The following IREB2 variants were observed in gnomAD, a reference collection of about 807,000 sequenced individuals.
IREB2 encodes iron-responsive element-binding protein 2.
IREB2 carries 39 observed loss-of-function variants against 118.8 expected under a neutral mutation model. The ratio of observed to expected loss-of-function variants is 0.33; its 90% CI spans 0.25 to 0.43. IREB2 has a LOEUF of 0.43. IREB2 is among the 20% of genes least tolerant of loss of function. The pLI is 1.00. For missense variants in IREB2, 900 were observed against 1,147.3 expected (o/e 0.78, Z 3.11); for synonymous variants, 372 against 392.2 (o/e 0.95, Z 0.61).
At chr15:78,465,434 C>G in intron 4 of IREB2, 46 bp downstream of exon 4, 1 of 1,536,192 alleles carries the variant, frequency 6.5e-7, no homozygotes, top group Non-Finnish European at 8.9e-7. Flanking sequence ...AGTTAATTGG[C>G]TGGAAATGTG....
intron 5 of IREB2, among the ~76,000 whole-genome samples, chr15:78,469,645 C>T (rs2051342043): frequency 6.6e-6 from 1 of 152,026 alleles, no homozygotes; most frequent in Non-Finnish European, 1.5e-5. Context: ...ATCGCTTGAA[C>T]CCGGTAGGGC....
intron 2 of IREB2, among the ~76,000 whole-genome samples, chr15:78,452,496 G>A (rs1357109772): frequency 6.6e-6 from 1 of 152,128 alleles, no homozygotes; most frequent in Non-Finnish European, 1.5e-5. Context: ...GGAGGAAGCA[G>A]TATAGAGTAA....
chr15:78,463,513 T>G (rs1445642756), intron 3 of IREB2, among the ~76,000 whole-genome samples: 1 of 152,158 alleles, frequency 6.6e-6, no homozygotes, highest in Non-Finnish European at 1.5e-5. Flanking sequence ...TTGTTTTGTT[T>G]TTGTTTGTTT....
At position 78,438,297 on chromosome 15, in the gene IREB2, C is replaced by G. The variant is rs1567158079; in HGVS notation, c.-41C>G. 3 of 1,560,792 alleles carry G rather than the reference C, an allele frequency of 1.9e-6. No homozygotes were observed. The highest frequency in any genetic ancestry group is 1.9e-5 in the Admixed American group (1 of 52,666). On this transcript the variant is annotated 5_prime_UTR_variant, in exon 1 of 22. Transcript: ENST00000258886. ...CCTGCCCGGCCTCCCCCTTCTTCCC[C>G]CGCTGGCCCCCTCCCCGGAGGGATA...
intron 16 of IREB2, 44 bp downstream of exon 16, chr15:78,488,815 GTGTTC>G: frequency 8.4e-7 from 1 of 1,194,014 alleles, no homozygotes. Context: ...TCAATTTGCA[GTGTTC>G]TTTTATTTCA....
In IREB2 at chr15:78,490,736, G is replaced by A. The variant is rs1450881850; in HGVS notation, c.2299G>A (p.Ala767Thr). 3 of 1,613,974 alleles carry A rather than the reference G, an allele frequency of 1.9e-6. No homozygotes were observed. Among genetic ancestry groups the A allele is most frequent in the East Asian group, 2.2e-5 (1 of 44,886 alleles). The change falls in exon 18 of 22, where the codon GCC (alanine) becomes ACC (threonine). Residue 767 changes from alanine to threonine, a missense_variant. Transcript: ENST00000258886. ...AGGAAGTATCGCTAGGAATAGTGCT[G>A]CCGCTAAGTATTTGACAAACAGAGG... is the stretch of plus-strand genomic sequence containing the variant. The part of the protein sequence containing the change: ...PAGSIARNSA[A>T]AKYLTNRGLT...
intron 11 of IREB2, among the ~76,000 whole-genome samples, chr15:78,484,357 T>C (rs2051623699): frequency 6.6e-6 from 1 of 152,192 alleles, no homozygotes; most frequent in Non-Finnish European, 1.5e-5. Flanking sequence ...ATAGCCAATC[T>C]TGTTTCAGCT....
intron 18 of IREB2, among the ~76,000 whole-genome samples, chr15:78,492,534 C>A (rs2051768546): frequency 6.6e-6 from 1 of 152,006 alleles, no homozygotes; most frequent in Non-Finnish European, 1.5e-5. Flanking sequence ...TCAGCATAAC[C>A]AAATCATTGA....
chr15:78,464,684 A>G (rs2051251826), intron 3 of IREB2, among the ~76,000 whole-genome samples: 1 of 152,180 alleles, frequency 6.6e-6, no homozygotes, highest in African/African-American at 2.4e-5. Flanking sequence ...CCTGGGCTCA[A>G]GCTGTTATTG....
At chr15:78,448,854 C>T (rs1370270242) in intron 2 of IREB2, among the ~76,000 whole-genome samples, 2 of 152,176 alleles carry the variant, frequency 1.3e-5, no homozygotes, top group East Asian at 3.9e-4. Flanking sequence ...TTCCCCCTTC[C>T]TTCAGGCTGA....
At chr15:78,492,348 G>A (rs539319540) in intron 18 of IREB2, among the ~76,000 whole-genome samples, 11 of 87,674 alleles carry the variant, frequency 1.3e-4, no homozygotes, top group South Asian at 4.3e-4. Context: ...ACTGGAAAAT[G>A]TACACAATTT....
At chr15:78,473,610 A>G (rs1329370878) in intron 8 of IREB2, 4 of 465,306 alleles carry the variant, frequency 8.6e-6, no homozygotes, top group Non-Finnish European at 1.5e-5. Flanking sequence ...TTTAGTCCTT[A>G]TAACAAGCCT....
intron 9 of IREB2, 25 bp downstream of exon 9, chr15:78,476,384 A>G (rs1596004567): frequency 6.8e-7 from 1 of 1,460,170 alleles, no homozygotes; most frequent in East Asian, 2.3e-5. Context: ...GATCACTAGA[A>G]TAAACATGTT....
intron 2 of IREB2, among the ~76,000 whole-genome samples, chr15:78,461,879 G>C (rs2051203094): frequency 6.6e-6 from 1 of 152,024 alleles, no homozygotes; most frequent in African/African-American, 2.4e-5. Flanking sequence ...ACTGAATATA[G>C]TTTTCTTTCT....
chr15:78,463,252 A>G (rs1282179427), intron 3 of IREB2, among the ~76,000 whole-genome samples, 165 bp downstream of exon 3: 1 of 152,170 alleles, frequency 6.6e-6, no homozygotes, highest in African/African-American at 2.4e-5. Context: ...CAGTCTGGGC[A>G]ACATAGTGAG....
At chr15:78,493,408 G>T (rs917777365) in intron 18 of IREB2, among the ~76,000 whole-genome samples, 1 of 151,948 alleles carries the variant, frequency 6.6e-6, no homozygotes, top group African/African-American at 2.4e-5. Context: ...GTCAGTGTTT[G>T]GTTGAAAAAA....
In IREB2 at chr15:78,483,344, A is replaced by G; in HGVS notation, c.1323A>G (p.Ile441Met). 2 of 1,582,218 alleles carry G rather than the reference A, an allele frequency of 1.3e-6. No homozygotes were observed. The highest frequency in any genetic ancestry group is 1.7e-6 in the Non-Finnish European group (2 of 1,151,056). ...TGATCCAGATTAATCTGAATTCAAT[A>G]GTTCCATCTGTTAGTGGTCCAAAAA... ...SQVIQINLNS[I>M]VPSVSGPKRP... The change falls in exon 11 of 22, where the codon ATA becomes ATG. Residue 441 changes from isoleucine (I) to methionine (M), a missense_variant. Ile to Met is a conservative substitution (Grantham distance 10). Transcript: ENST00000258886.
chr15:78,479,870 G>C (rs565605016), intron 10 of IREB2, among the ~76,000 whole-genome samples: 2 of 150,762 alleles, frequency 1.3e-5, no homozygotes, highest in Admixed American at 6.6e-5. Context: ...GCAGTGAGCT[G>C]TGGTCATGCC....
intron 7 of IREB2, 35 bp from the exon 8 acceptor site, chr15:78,473,207 A>T (rs1188395981): frequency 8.2e-6 from 13 of 1,592,952 alleles, no homozygotes; most frequent in Non-Finnish European, 1.1e-5. Flanking sequence ...ATCTTTAAAT[A>T]TACTGTGCTA....
Sources: allele counts gnomAD v4.1 joint callset (sites outside exome capture counted in the v4.1 genomes callset), GRCh38; gene constraint gnomAD v4.1.1; transcripts MANE v1.5; gene names NCBI Gene and HGNC (gene_info 2026-07-23, HGNC 2026-07-21).